CDKN3: variants seen among roughly 807,000 people sequenced by gnomAD.
The protein encoded by CDKN3 is cyclin-dependent kinase inhibitor 3.
In CDKN3, 19 loss-of-function variants were observed where a neutral mutation model predicts 36.1. The observed-to-expected ratio is 0.53, with a 90% CI of 0.37 to 0.77. The LOEUF is 0.77. CDKN3 is among the 30% of genes least tolerant of loss of function. The pLI, the probability that CDKN3 is intolerant of heterozygous loss-of-function variation, is 0.00. For missense variants in CDKN3, 188 were observed against 248.6 expected, an observed-to-expected ratio of 0.76 and a Z score of 1.64; for synonymous variants, 71 against 85.3, an observed-to-expected ratio of 0.83 and a Z score of 0.92.
chr14:54,420,169 T>C lies in CDKN3; in HGVS notation c.*91T>C. On this transcript the variant is annotated 3_prime_UTR_variant, in exon 8 of 8. Transcript: ENST00000335183. ...AAATGAAACCACCAGTGTTATCAAC[T>C]TGAATGTAAATGTACATGTGCAGAT... The C allele has an allele frequency of 1.4e-6, 1 of 702,364 alleles. No homozygotes were observed. Among genetic ancestry groups the C allele is most frequent in the South Asian group, 2.1e-5 (1 of 47,634 alleles). 43.5% of individuals were successfully genotyped at this position (702,364 alleles called of 1,614,324 possible).
chr14:54,411,516 T>C lies in CDKN3; in HGVS notation c.226T>C (p.Phe76Leu), dbSNP rs113413059. The C allele has an allele frequency of 2.2e-5, 36 of 1,613,786 alleles. No homozygotes were observed. Among genetic ancestry groups the C allele is most frequent in the Non-Finnish European group, 2.6e-5 (31 of 1,180,028 alleles). Residue 76 changes from phenylalanine to leucine, a missense_variant, in exon 5 of 8, where the codon TTT (phenylalanine) becomes CTT (leucine). Transcript: ENST00000335183. Reference protein sequence around the residue: ...ELKSCGIQDIFVFCTRGELSK... With the variant: ...ELKSCGIQDILVFCTRGELSK... Reference sequence around the variant, plus strand: ...AAAGAGCTGTGGTATACAAGACATATTTGTTTTCTGCACCAGAGGGGAACT... The same window carrying C: ...AAAGAGCTGTGGTATACAAGACATACTTGTTTTCTGCACCAGAGGGGAACT...
chr14:54,413,468 T>C lies in CDKN3; in HGVS notation c.416+1762T>C, dbSNP rs1480722189. On this transcript the variant is annotated intron_variant, in intron 5 of 7. Coordinates refer to ENST00000335183, the MANE Select transcript of CDKN3 (RefSeq NM_005192.4). ...GCTTAACAAATTCTACTGTAGCTGGTTCTGGCAACCCAAATGCTCTGATGT... is the reference window on the plus strand; with the variant it reads ...GCTTAACAAATTCTACTGTAGCTGGCTCTGGCAACCCAAATGCTCTGATGT... 3 of 614,780 alleles carry C rather than the reference T, an allele frequency of 4.9e-6. No individual in the cohort carries two copies. The African/African-American group carries it at 5.6e-5, about 11-fold the overall frequency. 38.1% of individuals were successfully genotyped at this position (614,780 alleles called of 1,614,324 possible). A position where few individuals can be genotyped will look rare whatever the true frequency, so the allele number is the denominator to read the frequency against.
rs947036832 is a variant in CDKN3 at position 54,420,186 on chromosome 14, T to C, written c.*108T>C. On this transcript the variant is annotated 3_prime_UTR_variant, in exon 8 of 8. Coordinates refer to ENST00000335183, the MANE Select transcript of CDKN3 (RefSeq NM_005192.4). ...TTATCAACTTGAATGTAAATGTACA[T>C]GTGCAGATATTCCTAAAGTTTTATT... 1.8e-5 allele frequency: 11 copies of C among 594,916 alleles called. No homozygotes were observed. Among genetic ancestry groups the C allele is most frequent in the African/African-American group, 1.3e-4 (7 of 53,038 alleles). 36.9% of individuals were successfully genotyped at this position (594,916 alleles called of 1,614,324 possible).
intron 6 of CDKN3, among the ~76,000 whole-genome samples, chr14:54,416,642 C>T (rs901596943): frequency 3.3e-5 from 5 of 152,038 alleles, no homozygotes; most frequent in African/African-American, 9.7e-5. Flanking sequence ...TGGTGAAACC[C>T]CATCTCTACA....
intron 5 of CDKN3, chr14:54,413,467 G>T (rs2030428015): frequency 1.6e-6 from 1 of 610,584 alleles, no homozygotes; most frequent in South Asian, 2.2e-5. Context: ...ACTGTAGCTG[G>T]TTCTGGCAAC....
At chr14:54,402,731 G>C (rs993222029) in intron 3 of CDKN3, among the ~76,000 whole-genome samples, 15 of 152,310 alleles carry the variant, frequency 9.8e-5, no homozygotes, top group Admixed American at 6.5e-4. Flanking sequence ...TGTGTGTAAG[G>C]TGTAAGGAAG....
In CDKN3 at chr14:54,401,592, A is replaced by T. The variant is rs1035372591; in HGVS notation, c.148+13A>T. ...TGTGCTCTTCCAGGTGGGTAACACA[A>T]TAATGGGCTTCCTATCAATATGTAT... On this transcript the variant is annotated intron_variant, in intron 3 of 7. Coordinates refer to ENST00000335183, the MANE Select transcript of CDKN3 (RefSeq NM_005192.4). 7.7e-6 allele frequency: 12 copies of T among 1,559,860 alleles called. No homozygotes were observed. Among genetic ancestry groups the T allele is most frequent in the Middle Eastern group, 1.7e-4 (1 of 5,936 alleles).
intron 1 of CDKN3, among the ~76,000 whole-genome samples, chr14:54,398,765 G>A (rs948082227): frequency 2.0e-5 from 3 of 152,040 alleles, no homozygotes; most frequent in Admixed American, 6.6e-5. Flanking sequence ...ATCAGCATAC[G>A]AAGTCTATCT....
chr14:54,416,875 G>A (rs536363803), intron 6 of CDKN3, among the ~76,000 whole-genome samples: 12 of 152,068 alleles, frequency 7.9e-5, no homozygotes, highest in African/African-American at 1.4e-4. Context: ...CAAAGTATCC[G>A]AATAAACCTT....
At chr14:54,409,656 A>T (rs2030282796) in intron 4 of CDKN3, among the ~76,000 whole-genome samples, 1 of 152,004 alleles carries the variant, frequency 6.6e-6, no homozygotes, top group African/African-American at 2.4e-5. Flanking sequence ...AACAAGGCAA[A>T]ACCCTGTCTC....
At chr14:54,413,723 C>T in intron 5 of CDKN3, 1 of 1,531,064 alleles carries the variant, frequency 6.5e-7, no homozygotes, top group Non-Finnish European at 8.7e-7. Flanking sequence ...TCTGGTAAAC[C>T]TTTTTCACTG....
intron 1 of CDKN3, among the ~76,000 whole-genome samples, chr14:54,398,264 A>G (rs1291016980): frequency 6.6e-6 from 1 of 152,226 alleles, no homozygotes; most frequent in South Asian, 2.1e-4. Context: ...GCTAATCCCT[A>G]TGTTGCCATG....
intron 3 of CDKN3, among the ~76,000 whole-genome samples, chr14:54,407,317 G>C (rs1168939719): frequency 6.6e-6 from 1 of 152,216 alleles, no homozygotes; most frequent in Non-Finnish European, 1.5e-5. Flanking sequence ...TAGGAGGCGC[G>C]GGGTTCAGGG....
intron 7 of CDKN3, among the ~76,000 whole-genome samples, chr14:54,419,281 A>G (rs1028031681): frequency 2.6e-5 from 4 of 152,200 alleles, no homozygotes; most frequent in African/African-American, 9.7e-5. Context: ...CATCTTTAAC[A>G]TTGCAGATAA....
At chr14:54,416,099 G>C (rs915976344) in intron 6 of CDKN3, among the ~76,000 whole-genome samples, 169 bp downstream of exon 6, 1 of 152,124 alleles carries the variant, frequency 6.6e-6, no homozygotes, top group Non-Finnish European at 1.5e-5. Flanking sequence ...AGCTTGGGTG[G>C]GAGTGGGAGG....
chr14:54,419,693 T>C (rs1405832475), intron 7 of CDKN3, among the ~76,000 whole-genome samples: 1 of 152,238 alleles, frequency 6.6e-6, no homozygotes, highest in East Asian at 1.9e-4. Flanking sequence ...CATTATGTAC[T>C]GTTTTAATCT....
intron 3 of CDKN3, among the ~76,000 whole-genome samples, chr14:54,406,093 A>T (rs1449129231): frequency 6.6e-6 from 1 of 152,208 alleles, no homozygotes; most frequent in Non-Finnish European, 1.5e-5. Context: ...TCCTTCACTT[A>T]GGAAGCTTAG....
intron 5 of CDKN3, among the ~76,000 whole-genome samples, chr14:54,412,023 C>G (rs2030374679): frequency 6.6e-6 from 1 of 152,278 alleles, no homozygotes; most frequent in East Asian, 1.9e-4. Context: ...CTCCTTTCCC[C>G]TCATCACCAT....
chr14:54,403,020 C>T (rs534765198), intron 3 of CDKN3, among the ~76,000 whole-genome samples: 22 of 152,264 alleles, frequency 1.4e-4, no homozygotes, highest in African/African-American at 5.3e-4. Context: ...TTAGGATTGT[C>T]TTGGCTATAT....
Sources: allele counts gnomAD v4.1 joint callset (sites outside exome capture counted in the v4.1 genomes callset), GRCh38; gene constraint gnomAD v4.1.1; transcripts MANE v1.5; gene names NCBI Gene and HGNC (gene_info 2026-07-23, HGNC 2026-07-21).